The following CYP3A7 variants were observed in gnomAD, a reference collection of about 807,000 sequenced individuals.
CYP3A7 encodes the protein cytochrome P450 3A7.
Under a neutral mutation model 55.2 loss-of-function variants are expected in CYP3A7, and 45 were observed. That is an observed-to-expected ratio of 0.82 (90% CI 0.64 to 1.05). The LOEUF is 1.05. CYP3A7 is among the 50% of genes least tolerant of loss of function. The pLI is 0.00. For missense variants in CYP3A7, 548 were observed against 605.3 expected (o/e 0.91, Z 0.99); for synonymous variants, 180 against 207.4 (o/e 0.87, Z 1.13).
chr7:99,709,728 T>C (rs1170556422), intron 10 of CYP3A7, among the ~76,000 whole-genome samples: 2 of 152,182 alleles, frequency 1.3e-5, no homozygotes, highest in Non-Finnish European at 2.9e-5. Flanking sequence ...CTTTTTGTTA[T>C]ATATACAAAC....
Position 99,722,287 on chromosome 7 carries a change from A to G in CYP3A7, c.218+9T>C, listed in dbSNP as rs771435052. The G allele has an allele frequency of 1.2e-6, 2 of 1,613,544 alleles. No individual in the cohort carries two copies. The highest frequency in any genetic ancestry group is 1.1e-5 in the South Asian group (1 of 91,072). On this transcript the variant is annotated intron_variant, in intron 3 of 12. Transcript: ENST00000336374. Reference sequence around the variant, plus strand: ...AAGTCTATCCAATGGAATCTTCCAGAATACTCACCCCCAGACTTTTCTATA... The same window carrying G: ...AAGTCTATCCAATGGAATCTTCCAGGATACTCACCCCCAGACTTTTCTATA...
At chr7:99,722,131 C>G (rs1340298956) in intron 3 of CYP3A7, among the ~76,000 whole-genome samples, 165 bp downstream of exon 3, 1 of 152,164 alleles carries the variant, frequency 6.6e-6, no homozygotes, top group African/African-American at 2.4e-5. Flanking sequence ...TTCTAATACT[C>G]TTCTCCCAAA....
chr7:99,729,499 G>T (rs1761200930), intron 2 of CYP3A7, among the ~76,000 whole-genome samples: 1 of 152,170 alleles, frequency 6.6e-6, no homozygotes, highest in Non-Finnish European at 1.5e-5. Flanking sequence ...AATATAAAAA[G>T]ACAGGAATGT....
intron 2 of CYP3A7, among the ~76,000 whole-genome samples, chr7:99,723,050 A>G (rs1331823118): frequency 1.3e-5 from 2 of 152,036 alleles, no homozygotes. Context: ...TCCTGTTTCT[A>G]CATTTCAGGG....
At position 99,713,468 on chromosome 7, in the gene CYP3A7, C is replaced by A. The variant is rs1005364493; in HGVS notation, c.865+1G>T. 7.4e-6 allele frequency: 12 copies of A among 1,613,300 alleles called. No homozygotes were observed. Among genetic ancestry groups the A allele is most frequent in the African/African-American group, 6.7e-5 (5 of 74,874 alleles). ...AGCCCTCAGAAGCACTCTTTTGTTA[C>A]CTTTGTGGGTCTCAGAGTCTTTTGA... On this transcript the variant is annotated splice_donor_variant, in intron 9 of 12. Transcript: ENST00000336374. LOFTEE classifies it high-confidence loss of function.
intron 2 of CYP3A7, among the ~76,000 whole-genome samples, chr7:99,728,982 A>G (rs1168300843): frequency 6.6e-6 from 1 of 152,218 alleles, no homozygotes; most frequent in Non-Finnish European, 1.5e-5. Context: ...GGAGTACTCT[A>G]TATTTTTAAA....
intron 2 of CYP3A7, among the ~76,000 whole-genome samples, chr7:99,727,722 C>G (rs1814467680): frequency 6.6e-6 from 1 of 152,156 alleles, no homozygotes; most frequent in Admixed American, 6.5e-5. Flanking sequence ...TGCTCTGCCC[C>G]CCTCCACTAT....
At chr7:99,707,757 C>A (rs1440693791) in intron 12 of CYP3A7, 55 bp downstream of exon 12, 43 of 1,606,216 alleles carry the variant, frequency 2.7e-5, no homozygotes, top group Non-Finnish European at 3.5e-5. Context: ...ATATATAGAC[C>A]ATTCAGTTAA....
At chr7:99,717,676 G>A in intron 4 of CYP3A7, 37 bp from the exon 5 acceptor site, 6 of 1,609,446 alleles carry the variant, frequency 3.7e-6, no homozygotes, top group East Asian at 2.2e-5. Flanking sequence ...TCCTACATCA[G>A]TTGTGGAGGT....
chr7:99,723,350 T>C (rs1232548846), intron 2 of CYP3A7, among the ~76,000 whole-genome samples: 2 of 152,196 alleles, frequency 1.3e-5, no homozygotes, highest in African/African-American at 2.4e-5. Flanking sequence ...ATGAGTCTTA[T>C]GATCTCCCTA....
chr7:99,718,330 A>G (rs1030064832), intron 4 of CYP3A7, among the ~76,000 whole-genome samples: 3 of 152,222 alleles, frequency 2.0e-5, no homozygotes, highest in African/African-American at 4.8e-5. Context: ...ATGCGATTCT[A>G]TTAACATTCT....
chr7:99,732,823 C>A (rs1231303295), intron 1 of CYP3A7, among the ~76,000 whole-genome samples: 1 of 152,128 alleles, frequency 6.6e-6, no homozygotes, highest in Non-Finnish European at 1.5e-5. Context: ...AAGGCAGGCA[C>A]CTTCTAATGG....
chr7:99,733,756 T>G (rs1814719779), intron 1 of CYP3A7, among the ~76,000 whole-genome samples: 1 of 152,202 alleles, frequency 6.6e-6, no homozygotes, highest in Non-Finnish European at 1.5e-5. Flanking sequence ...ATTTTCTCAC[T>G]TCATCTTGAT....
At chr7:99,719,696 G>C (rs1814108216) in intron 4 of CYP3A7, among the ~76,000 whole-genome samples, 1 of 152,188 alleles carries the variant, frequency 6.6e-6, no homozygotes, top group East Asian at 1.9e-4. Flanking sequence ...GATAGTAGCA[G>C]GGAGCCATAC....
intron 4 of CYP3A7, 99 bp from the exon 5 acceptor site, chr7:99,717,738 T>C (rs1814020511): frequency 4.2e-6 from 6 of 1,423,706 alleles, no homozygotes; most frequent in Non-Finnish European, 3.9e-6. Flanking sequence ...TTAACAAATA[T>C]TTAGTGACTG....
At chr7:99,715,526 T>C (rs1453893013) in intron 7 of CYP3A7, 3 of 626,334 alleles carry the variant, frequency 4.8e-6, no homozygotes, top group Non-Finnish European at 7.9e-6. Context: ...CTAGTGGTTA[T>C]ATACGACAAC....
In CYP3A7 at chr7:99,713,552, A is replaced by C; in HGVS notation, c.799-17T>G. 1 of 1,613,190 alleles carries C rather than the reference A, an allele frequency of 6.2e-7. No homozygotes were observed. The highest frequency in any genetic ancestry group is 8.5e-7 in the Non-Finnish European group (1 of 1,179,410). On this transcript the variant is annotated splice_polypyrimidine_tract_variant and intron_variant, in intron 8 of 12. Transcript: ENST00000336374. ...CACTCGGTGCTAGAAGCAAAAAGAG[A>C]AATTTTATTGACAGAAAGTGACTCG...
At chr7:99,712,164 C>G (rs554259819) in intron 9 of CYP3A7, among the ~76,000 whole-genome samples, 2 of 152,006 alleles carry the variant, frequency 1.3e-5, no homozygotes, top group African/African-American at 4.8e-5. Flanking sequence ...ATTTAGAGAC[C>G]GGGAACACAG....
intron 4 of CYP3A7, among the ~76,000 whole-genome samples, chr7:99,719,431 A>T (rs1176240443): frequency 6.6e-6 from 1 of 152,210 alleles, no homozygotes; most frequent in Admixed American, 6.5e-5. Flanking sequence ...GCCACAAAAA[A>T]TGAACGTTGA....
Sources: allele counts gnomAD v4.1 joint callset (sites outside exome capture counted in the v4.1 genomes callset), GRCh38; gene constraint gnomAD v4.1.1; transcripts MANE v1.5; gene names NCBI Gene and HGNC (gene_info 2026-07-23, HGNC 2026-07-21).